The following EDA variants were observed in gnomAD, a reference collection of about 807,000 sequenced individuals.
EDA encodes ectodysplasin A, also known as ectodysplasin-A.
Under a neutral mutation model 23.6 loss-of-function variants are expected in EDA, and 2 were observed. The observed-to-expected ratio is 0.08, with a 90% CI of 0.03 to 0.27. The LOEUF (loss-of-function observed/expected upper bound fraction) is 0.27. Ranked by LOEUF, EDA falls within the 10% of genes least tolerant of loss-of-function variation. The pLI is 1.00. For missense variants in EDA, 229 were observed against 324.2 expected, an observed-to-expected ratio of 0.71 and a Z score of 2.26; for synonymous variants, 131 against 132.0, an observed-to-expected ratio of 0.99 and a Z score of 0.05.
At chrX:69,662,751 C>G (rs1242920244) in intron 1 of EDA, among the ~76,000 whole-genome samples, 1 of 111,854 alleles carries the variant, frequency 8.9e-6, no homozygotes, top group Admixed American at 9.5e-5. Context: ...TGGCTTTAAC[C>G]AAAATGCTGA....
intron 1 of EDA, among the ~76,000 whole-genome samples, chrX:69,832,455 T>C (rs753561790): frequency 8.9e-6 from 1 of 112,050 alleles, no homozygotes; most frequent in East Asian, 2.8e-4. Context: ...TAGTATAGTT[T>C]GAAGTCAGGT....
chrX:69,822,817 A>G (rs1271873232), intron 1 of EDA, among the ~76,000 whole-genome samples: 1 of 105,720 alleles, frequency 9.5e-6, no homozygotes, highest in Non-Finnish European at 1.9e-5. Flanking sequence ...ATCCAGCATT[A>G]GGTATATCTC....
intron 1 of EDA, among the ~76,000 whole-genome samples, chrX:69,778,214 A>G (rs1371697063): frequency 8.9e-6 from 1 of 111,899 alleles, no homozygotes; most frequent in Non-Finnish European, 1.9e-5. Context: ...GATTTTAGAA[A>G]TGCTGACAAA....
At chrX:69,956,619 C>G (rs969018564) in intron 1 of EDA, among the ~76,000 whole-genome samples, 1 of 111,476 alleles carries the variant, frequency 9.0e-6, no homozygotes, top group Non-Finnish European at 1.9e-5. Flanking sequence ...GCTGGGATTA[C>G]AGGCGTGAGC....
At chrX:69,672,027 G>A (rs1393431729) in intron 1 of EDA, among the ~76,000 whole-genome samples, 1 of 112,017 alleles carries the variant, frequency 8.9e-6, no homozygotes, top group Non-Finnish European at 1.9e-5. Context: ...CTAATACATT[G>A]AAGGAACTCA....
chrX:69,713,903 G>A (rs1490235797), intron 1 of EDA, among the ~76,000 whole-genome samples: 3 of 93,463 alleles, frequency 3.2e-5, no homozygotes, highest in African/African-American at 1.2e-4. Context: ...TTGCTGGGTC[G>A]TATTATAGTT....
chrX:70,030,083 T>A (rs764338930), intron 5 of EDA, among the ~76,000 whole-genome samples: 2 of 112,594 alleles, frequency 1.8e-5, no homozygotes, highest in South Asian at 7.4e-4. Context: ...CCTCCCTTGC[T>A]ACAGCTGTGT....
At chrX:69,695,696 T>A (rs2011315060) in intron 1 of EDA, among the ~76,000 whole-genome samples, 1 of 107,751 alleles carries the variant, frequency 9.3e-6, no homozygotes, top group Admixed American at 1.0e-4. Flanking sequence ...GAGATGGGGT[T>A]TTACTATGTT....
intron 1 of EDA, among the ~76,000 whole-genome samples, chrX:69,755,701 G>T (rs1288368801): frequency 8.9e-6 from 1 of 112,584 alleles, no homozygotes. Context: ...TTGAGCTTTG[G>T]TGGGCTCCAC....
At chrX:69,977,083 A>G (rs1011039278) in intron 2 of EDA, among the ~76,000 whole-genome samples, 59 of 111,878 alleles carry the variant, frequency 5.3e-4, no homozygotes, top group Non-Finnish European at 1.9e-4. Flanking sequence ...GAATTTTTAA[A>G]TCATATTCTA....
chrX:69,899,623 G>A (rs565395307), intron 1 of EDA, among the ~76,000 whole-genome samples: 2 of 110,603 alleles, frequency 1.8e-5, no homozygotes, highest in African/African-American at 6.6e-5. Context: ...ATACATATAT[G>A]TAATTTCTTA....
chrX:69,775,374 A>G (rs767498285), intron 1 of EDA, among the ~76,000 whole-genome samples: 6 of 111,589 alleles, frequency 5.4e-5, no homozygotes, highest in African/African-American at 1.3e-4. Context: ...CTATTTCTCT[A>G]TTTCCATTCT....
At chrX:69,851,430 A>G (rs953496772) in intron 1 of EDA, among the ~76,000 whole-genome samples, 1 of 112,534 alleles carries the variant, frequency 8.9e-6, no homozygotes, top group Non-Finnish European at 1.9e-5. Flanking sequence ...AATGAAATAA[A>G]AGCCAATTTA....
At chrX:69,755,603 A>T (rs1185549266) in intron 1 of EDA, among the ~76,000 whole-genome samples, 1 of 112,237 alleles carries the variant, frequency 8.9e-6, no homozygotes, top group African/African-American at 3.2e-5. Context: ...TCAGACAGAG[A>T]CATTTAAGTC....
At chrX:69,784,679 G>A (rs1457466999) in intron 1 of EDA, among the ~76,000 whole-genome samples, 2 of 106,607 alleles carry the variant, frequency 1.9e-5, no homozygotes, top group Non-Finnish European at 3.9e-5. Context: ...GTACCATGCT[G>A]TTTTGGTTAC....
chrX:69,914,120 G>A (rs1392647861), intron 1 of EDA, among the ~76,000 whole-genome samples: 1 of 112,015 alleles, frequency 8.9e-6, no homozygotes, highest in Non-Finnish European at 1.9e-5. Flanking sequence ...CCCAAAGTGA[G>A]CACATGCTGT....
chrX:69,828,744 A>C (rs1318689985), intron 1 of EDA, among the ~76,000 whole-genome samples: 2 of 112,468 alleles, frequency 1.8e-5, no homozygotes, highest in Non-Finnish European at 3.8e-5. Context: ...ATTCTATTAA[A>C]GATAGGAAAC....
intron 1 of EDA, among the ~76,000 whole-genome samples, chrX:69,847,888 T>C (rs1206148098): frequency 3.6e-5 from 4 of 111,985 alleles, no homozygotes; most frequent in Admixed American, 9.5e-5. Context: ...AAGTCTATTT[T>C]TATGTTTTAC....
At chrX:69,623,650 A>G (rs755104188) in intron 1 of EDA, among the ~76,000 whole-genome samples, 5 of 105,107 alleles carry the variant, frequency 4.8e-5, no homozygotes, top group Non-Finnish European at 9.9e-5. Context: ...ACTTCATTCT[A>G]GGTATTTTCT....
Sources: allele counts gnomAD v4.1 joint callset (sites outside exome capture counted in the v4.1 genomes callset), GRCh38; gene constraint gnomAD v4.1.1; transcripts MANE v1.5; gene names NCBI Gene and HGNC (gene_info 2026-07-23, HGNC 2026-07-21).